DMD: variants seen among roughly 807,000 people sequenced by gnomAD.
DMD encodes dystrophin, also known as mutant dystrophin.
A neutral mutation model predicts 330.1 loss-of-function variants in DMD; 63 were observed. The observed-to-expected ratio is 0.19, with a 90% CI of 0.16 to 0.24. The LOEUF (loss-of-function observed/expected upper bound fraction) is 0.24. Among genes scored for constraint, DMD ranks in the 10% least tolerant of loss-of-function variants. DMD has a pLI of 1.00. For missense variants in DMD, 3,344 were observed against 2,684.1 expected (o/e 1.25, Z -5.43); for synonymous variants, 1,223 against 959.8 (o/e 1.27, Z -5.07).
chrX:32,472,239 T>C lies in DMD; in HGVS notation c.2874A>G (p.Ser958=), dbSNP rs2148485342. 1 of 1,211,142 alleles carries C rather than the reference T, an allele frequency of 8.3e-7. No homozygotes were observed. Among genetic ancestry groups the C allele is most frequent in the Non-Finnish European group, 1.1e-6 (1 of 894,964 alleles). ...MSAIRTWVQQ[S]ETKLSIPQLS... is the part of the protein sequence containing the mutation. ...GTTGAGGTATGGAGAGTTTGGTTTC[T>C]GACTGCTGGACCCATGTCCTGATGG... The change falls in exon 22 of 79, where the codon TCA becomes TCG. Residue 958 remains serine, a synonymous_variant. Transcript: ENST00000357033.
intron 45 of DMD, among the ~76,000 whole-genome samples, chrX:31,953,133 A>T (rs1334685807): frequency 8.9e-6 from 1 of 112,485 alleles, no homozygotes; most frequent in Non-Finnish European, 1.9e-5. Context: ...CATGAAGGAG[A>T]CACAAGGAGT....
At chrX:31,125,261 C>T (rs1056016130) in intron 78 of DMD, among the ~76,000 whole-genome samples, 5 of 111,612 alleles carry the variant, frequency 4.5e-5, no homozygotes, top group African/African-American at 1.3e-4. Context: ...CCAGGCAAAC[C>T]GTCAGGGGCA....
rs182445537 is a variant in DMD at position 31,141,797 on chromosome X, T to G, written c.10921+4494A>C. 7.2e-3 allele frequency among the ~76,000 whole-genome samples: 803 copies of G among 111,686 alleles called. 2 individuals are homozygous for G. The highest frequency in any genetic ancestry group is 0.011 in the Non-Finnish European group (603 of 53,120). On this transcript the variant is annotated intron_variant, in intron 76 of 78. Coordinates refer to ENST00000357033, the MANE Select transcript of DMD (RefSeq NM_004006.3). Reference sequence around the variant, plus strand: ...AGGTGGGAGGTCTGGGCTGGAAATCTTGACTTAAGAGTTGTCAGCATAGCA... The same window carrying G: ...AGGTGGGAGGTCTGGGCTGGAAATCGTGACTTAAGAGTTGTCAGCATAGCA...
intron 44 of DMD, among the ~76,000 whole-genome samples, chrX:32,014,247 T>C (rs2095741097): frequency 8.9e-6 from 1 of 112,295 alleles, no homozygotes; most frequent in South Asian, 3.6e-4. Flanking sequence ...TGATGCATGT[T>C]ATTTAATTTC....
chrX:32,429,591 C>T (rs1242479031), intron 29 of DMD, among the ~76,000 whole-genome samples: 2 of 107,999 alleles, frequency 1.9e-5, no homozygotes, highest in African/African-American at 6.7e-5. Flanking sequence ...GCTCATCTCA[C>T]ATTTTTCTGT....
chrX:32,761,873 G>T (rs745332065), intron 7 of DMD, among the ~76,000 whole-genome samples: 2 of 111,138 alleles, frequency 1.8e-5, no homozygotes, highest in Non-Finnish European at 3.8e-5. Context: ...TCCTCGGGCT[G>T]GGCATGGTGG....
chrX:32,683,674 A>G (rs2062613959), intron 9 of DMD, among the ~76,000 whole-genome samples: 1 of 104,125 alleles, frequency 9.6e-6, no homozygotes, highest in Non-Finnish European at 2.0e-5. Flanking sequence ...GGATAGCATT[A>G]GGAGATATAC....
intron 1 of DMD, among the ~76,000 whole-genome samples, chrX:33,266,764 T>C (rs1312045915): frequency 9.0e-6 from 1 of 111,648 alleles, no homozygotes; most frequent in Non-Finnish European, 1.9e-5. Flanking sequence ...CCTATTTTAA[T>C]GCAGAAAAAA....
chrX:31,939,041 A>G (rs1283593909), intron 45 of DMD, among the ~76,000 whole-genome samples: 1 of 111,961 alleles, frequency 8.9e-6, no homozygotes, highest in Admixed American at 9.5e-5. Context: ...CCCGGACAGT[A>G]CTTTGTTGTT....
intron 47 of DMD, among the ~76,000 whole-genome samples, chrX:31,893,462 C>T (rs1356089406): frequency 9.0e-6 from 1 of 111,152 alleles, no homozygotes; most frequent in African/African-American, 3.3e-5. Context: ...TTTTTGGCCC[C>T]CAGGCTGCAT....
At chrX:32,560,870 T>C (rs1273251665) in intron 16 of DMD, among the ~76,000 whole-genome samples, 2 of 112,068 alleles carry the variant, frequency 1.8e-5, no homozygotes, top group Non-Finnish European at 3.8e-5. Flanking sequence ...TCTATGTCTT[T>C]GCTATTGTGA....
chrX:32,886,363 C>T (rs1180525838), intron 2 of DMD, among the ~76,000 whole-genome samples: 1 of 109,381 alleles, frequency 9.1e-6, no homozygotes, highest in Non-Finnish European at 1.9e-5. Flanking sequence ...AGTATTTTTG[C>T]GATACATATA....
At chrX:32,805,632 T>C (rs58521549) in intron 7 of DMD, among the ~76,000 whole-genome samples, 2,119 of 110,730 alleles carry the variant, frequency 0.019, 54 homozygotes, top group African/African-American at 0.065. Flanking sequence ...AGACACATAA[T>C]TGTCAGATTC....
intron 13 of DMD, among the ~76,000 whole-genome samples, chrX:32,592,261 C>A (rs1445132427): frequency 9.0e-6 from 1 of 110,932 alleles, no homozygotes; most frequent in Non-Finnish European, 1.9e-5. Flanking sequence ...AGAATGAGAA[C>A]TTATGGTGCT....
At chrX:32,946,028 T>A (rs1329047395) in intron 2 of DMD, among the ~76,000 whole-genome samples, 1 of 111,554 alleles carries the variant, frequency 9.0e-6, no homozygotes, top group Non-Finnish European at 1.9e-5. Context: ...AACATAGAGG[T>A]TTAAATACTA....
At chrX:33,248,286 C>T (rs1466840368) in intron 1 of DMD, among the ~76,000 whole-genome samples, 1 of 111,688 alleles carries the variant, frequency 9.0e-6, no homozygotes, top group African/African-American at 3.3e-5. Flanking sequence ...CATGATCCGC[C>T]CACCTCAGCC....
At chrX:32,603,086 C>G (rs1208864930) in intron 12 of DMD, among the ~76,000 whole-genome samples, 3 of 111,092 alleles carry the variant, frequency 2.7e-5, no homozygotes, top group Non-Finnish European at 5.7e-5. Flanking sequence ...GCACGTGGAT[C>G]ATTATCAAAA....
At chrX:32,051,349 A>G (rs2096113392) in intron 44 of DMD, among the ~76,000 whole-genome samples, 1 of 110,439 alleles carries the variant, frequency 9.1e-6, no homozygotes, top group Non-Finnish European at 1.9e-5. Flanking sequence ...GGCTCTTGGT[A>G]ACTTCATTTT....
intron 44 of DMD, among the ~76,000 whole-genome samples, chrX:32,173,622 C>T (rs1340268376): frequency 4.5e-5 from 5 of 111,102 alleles, no homozygotes; most frequent in African/African-American, 1.3e-4. Flanking sequence ...CTGCCCACCT[C>T]GGCCTCCCAA....
Sources: allele counts gnomAD v4.1 joint callset (sites outside exome capture counted in the v4.1 genomes callset), GRCh38; gene constraint gnomAD v4.1.1; transcripts MANE v1.5; gene names NCBI Gene and HGNC (gene_info 2026-07-23, HGNC 2026-07-21).